Variants in FNDC7 observed in about 807,000 individuals in gnomAD.
FNDC7 encodes fibronectin type III domain-containing protein 7.
FNDC7 carries 66 observed loss-of-function variants against 74.2 expected under a neutral mutation model. That is an observed-to-expected ratio of 0.89 (90% CI 0.73 to 1.09). FNDC7 has a LOEUF of 1.09. Among genes scored for constraint, FNDC7 ranks in the 50% least tolerant of loss-of-function variants. FNDC7 has a pLI of 0.00. For missense variants in FNDC7, 829 were observed against 893.4 expected (o/e 0.93, Z 0.92); for synonymous variants, 307 against 330.2 (o/e 0.93, Z 0.76).
chr1:108,726,420 TG>T (rs1470779737), intron 6 of FNDC7, among the ~76,000 whole-genome samples: 1 of 152,240 alleles, frequency 6.6e-6, no homozygotes, highest in African/African-American at 2.4e-5. Context: ...GTAGGACACC[TG>T]GGTTTACACC....
At chr1:108,735,569 G>A (rs763388456) in intron 10 of FNDC7, among the ~76,000 whole-genome samples, 1 of 151,952 alleles carries the variant, frequency 6.6e-6, no homozygotes, top group Non-Finnish European at 1.5e-5. Flanking sequence ...GTAAAAAGAG[G>A]TGAAATTAAT....
chr1:108,736,094 C>T (rs1021626762), intron 10 of FNDC7, among the ~76,000 whole-genome samples: 1 of 152,208 alleles, frequency 6.6e-6, no homozygotes, highest in African/African-American at 2.4e-5. Context: ...AGGCATAAGC[C>T]ACTGTGCCCA....
At chr1:108,716,767 C>G (rs947053172) in intron 2 of FNDC7, among the ~76,000 whole-genome samples, 7 of 151,920 alleles carry the variant, frequency 4.6e-5, no homozygotes, top group African/African-American at 1.7e-4. Flanking sequence ...CCCTCTTTGC[C>G]CTATAGTTCT....
At chr1:108,724,196 G>A (rs1227955053) in intron 5 of FNDC7, among the ~76,000 whole-genome samples, 1 of 152,098 alleles carries the variant, frequency 6.6e-6, no homozygotes, top group Non-Finnish European at 1.5e-5. Flanking sequence ...GATAAATGAG[G>A]TATTGCCTTA....
rs768098598 is a variant in FNDC7, at chr1:108,733,399, G to A, written c.2007G>A (p.Thr669=). The change falls in exon 10 of 13, where the codon ACG becomes ACA. Residue 669 remains threonine (T), a synonymous_variant. Transcript: ENST00000370017. ...TDLYGSKGIF[T]CTPSAGLSFC... The stretch of plus-strand genomic sequence containing the variant: ...TCTATGGCTCCAAAGGCATTTTCAC[G>A]TGCACCCCGAGTGCTGGCCTCAGTT... 2.1e-5 allele frequency: 34 copies of A among 1,614,056 alleles called. No homozygotes were observed. The highest frequency in any genetic ancestry group is 3.3e-4 in the Middle Eastern group (2 of 6,062).
At chr1:108,713,065 C>CA in intron 1 of FNDC7, 69 bp downstream of exon 1, 2 of 1,191,892 alleles carry the variant, frequency 1.7e-6, no homozygotes, top group Non-Finnish European at 1.1e-6. Context: ...TTTTTCTCTC[C>CA]TTTTTTTTTT....
chr1:108,730,729 C>G lies in FNDC7; in HGVS notation c.1680C>G (p.Asn560Lys), dbSNP rs76462144. 1 of 1,610,510 alleles carries G rather than the reference C, an allele frequency of 6.2e-7. No homozygotes were observed. The highest frequency in any genetic ancestry group is 1.7e-4 in the Middle Eastern group (1 of 6,050). Residue 560 changes from asparagine (N) to lysine (K), a missense_variant, in exon 9 of 13, where the codon AAC becomes AAG. By Grantham distance (94) the Asn-to-Lys change is moderately conservative. Coordinates refer to ENST00000370017, the MANE Select transcript of FNDC7 (RefSeq NM_001144937.3). ...CTCAAATCACCCAGTCAGTAATCAA[C>G]GTGAGCTGGACTATTGGGAGAGTGG... ...TVTQITQSVINVSWTIGRVAQ... is the reference protein window; with the variant it reads ...TVTQITQSVIKVSWTIGRVAQ...
chr1:108,718,324 T>C (rs1465391840), intron 3 of FNDC7, among the ~76,000 whole-genome samples: 1 of 152,180 alleles, frequency 6.6e-6, no homozygotes, highest in East Asian at 1.9e-4. Context: ...ACACGCCAAA[T>C]GAAGAACACA....
At chr1:108,729,548 C>CA (rs748570790) in intron 8 of FNDC7, among the ~76,000 whole-genome samples, 6,452 of 87,668 alleles carry the variant, frequency 0.074, 279 homozygotes, top group African/African-American at 0.18. Flanking sequence ...GATTCCGTCA[C>CA]AAAAAAAAAA....
At chr1:108,733,652 T>TC (rs1661447148) in intron 10 of FNDC7, 120 bp downstream of exon 10, 1 of 544,102 alleles carries the variant, frequency 1.8e-6, no homozygotes, top group Non-Finnish European at 2.7e-6. Context: ...TTTCTTTCTT[T>TC]TTTTTTTTTT....
chr1:108,713,382 G>T, intron 1 of FNDC7, 129 bp from the exon 2 acceptor site: 3 of 768,312 alleles, frequency 3.9e-6, no homozygotes, highest in Non-Finnish European at 6.7e-6. Flanking sequence ...TACTTGTATG[G>T]ATTGAAAGAC....
At position 108,730,955 on chromosome 1, in the gene FNDC7, C is replaced by G. The variant is rs765274557; in HGVS notation, c.1879+27C>G. On this transcript the variant is annotated intron_variant, in intron 9 of 12. Transcript: ENST00000370017. ...TAAGTGAACTCTAGCTCTAGAGTAG[C>G]AGTAAGGACTTGACTATTATCAATC... is the stretch of plus-strand genomic sequence containing the variant. 11 of 1,583,674 alleles carry G rather than the reference C, an allele frequency of 6.9e-6. No homozygotes were observed. The East Asian group carries it at 2.2e-4, about 32-fold the overall frequency.
At chr1:108,730,562 G>C in intron 8 of FNDC7, 112 bp from the exon 9 acceptor site, 1 of 1,205,332 alleles carries the variant, frequency 8.3e-7, no homozygotes, top group Middle Eastern at 2.1e-4. Context: ...GGAAAGTTGG[G>C]GAATGTAGGA....
At chr1:108,732,341 CAA>C (rs67731443) in intron 9 of FNDC7, among the ~76,000 whole-genome samples, 4 of 103,224 alleles carry the variant, frequency 3.9e-5, no homozygotes, top group Admixed American at 1.1e-4. Flanking sequence ...GACTCCGTCT[CAA>C]AAAAAAAAAA....
chr1:108,721,430 C>A (rs1570726408), intron 4 of FNDC7, among the ~76,000 whole-genome samples: 2 of 152,198 alleles, frequency 1.3e-5, no homozygotes, highest in East Asian at 3.9e-4. Flanking sequence ...GATTGCGACA[C>A]TGCACTCCAG....
rs186588733 is a variant in FNDC7 at position 108,739,299 on chromosome 1, C to T, written c.2170+1775C>T. On this transcript the variant is annotated intron_variant, in intron 11 of 12. Coordinates refer to ENST00000370017, the MANE Select transcript of FNDC7 (RefSeq NM_001144937.3). ...ATTGCTTGAGCCCTGGAGTTGGAGA[C>T]CAGCCTGGCCAACAAAACGAGACCT... 3.7e-4 allele frequency among the ~76,000 whole-genome samples: 56 copies of T among 152,182 alleles called. No homozygotes were observed. In the East Asian group the frequency reaches 9.8e-3, roughly 27 times the overall value.
Position 108,730,890 on chromosome 1 carries a change from G to A in FNDC7, c.1841G>A (p.Gly614Glu), listed in dbSNP as rs1460531540. The A allele has an allele frequency of 1.2e-6, 2 of 1,613,292 alleles. No individual in the cohort carries two copies. Among genetic ancestry groups the A allele is most frequent in the Non-Finnish European group, 1.7e-6 (2 of 1,179,656 alleles). The change falls in exon 9 of 13, where the codon GGG (glycine) becomes GAG (glutamate). Residue 614 changes from glycine (G) to glutamate (E), a missense_variant. Gly to Glu is a moderately conservative substitution (Grantham distance 98). Coordinates refer to ENST00000370017, the MANE Select transcript of FNDC7 (RefSeq NM_001144937.3). ...ACATTAAAAGCAATTAGTGCCACCG[G>A]GTTGACTGCAGATTGCTCCTACCAA... ...TVTLKAISATGLTADCSYQSY... is the reference protein window; with the variant it reads ...TVTLKAISATELTADCSYQSY...
intron 10 of FNDC7, among the ~76,000 whole-genome samples, chr1:108,735,101 C>A (rs1386952618): frequency 6.6e-6 from 1 of 152,184 alleles, no homozygotes; most frequent in Non-Finnish European, 1.5e-5. Context: ...TTCCTCCCAT[C>A]GTCCTTGTTT....
intron 1 of FNDC7, 63 bp downstream of exon 1, chr1:108,713,059 T>A: frequency 6.9e-7 from 1 of 1,451,548 alleles, no homozygotes; most frequent in Non-Finnish European, 9.4e-7. Context: ...ACATTATTTT[T>A]CTCTCCTTTT....
Sources: gnomAD v4.1 joint callset for allele counts (sites outside exome capture counted in the v4.1 genomes callset) on GRCh38, gnomAD v4.1.1 for gene constraint, MANE v1.5 for transcripts, NCBI Gene and HGNC (gene_info 2026-07-23, HGNC 2026-07-21) for gene names.